GALNTL6: variants seen among roughly 807,000 people sequenced by gnomAD.
GALNTL6 encodes polypeptide N-acetylgalactosaminyltransferase-like 6.
In GALNTL6, 46 loss-of-function variants were observed where a neutral mutation model predicts 73.7. That is an observed-to-expected ratio of 0.62 (90% CI 0.49 to 0.80). The LOEUF (loss-of-function observed/expected upper bound fraction) is 0.80. Among genes scored for constraint, GALNTL6 ranks in the 30% least tolerant of loss-of-function variants. GALNTL6 has a pLI of 0.00. For missense variants in GALNTL6, 604 were observed against 755.0 expected (o/e 0.80, Z 2.34); for synonymous variants, 259 against 263.7 (o/e 0.98, Z 0.17).
In GALNTL6 at chr4:172,963,894, AACTCTGCCTACC is replaced by A. The variant is rs35732109; in HGVS notation, c.1371+11638_1371+11649del. Among the ~76,000 whole-genome samples the A allele has an allele frequency of 3.2e-3, 489 of 152,324 alleles. 1 individual carries two copies. The highest frequency in any genetic ancestry group is 0.011 in the African/African-American group (442 of 41,572). Reference sequence around the variant, plus strand: ...AAAAGCCTCTGTTCAGCAATTTCCAAACTCTGCCTACCAGCTTCCTACTTAAAAGGCAGAAGA... The same window carrying A: ...AAAAGCCTCTGTTCAGCAATTTCCAAAGCTTCCTACTTAAAAGGCAGAAGA... On this transcript the variant is annotated intron_variant, in intron 10 of 12. Coordinates refer to ENST00000506823, the MANE Select transcript of GALNTL6 (RefSeq NM_001034845.3).
At chr4:172,872,415 C>A (rs1010734057) in intron 7 of GALNTL6, among the ~76,000 whole-genome samples, 1 of 152,166 alleles carries the variant, frequency 6.6e-6, no homozygotes, top group Non-Finnish European at 1.5e-5. Context: ...ACCTTCTGTT[C>A]ATCTCAATTA....
intron 3 of GALNTL6, among the ~76,000 whole-genome samples, chr4:172,249,607 GC>G (rs965125678): frequency 3.3e-5 from 5 of 152,090 alleles, no homozygotes; most frequent in Non-Finnish European, 5.9e-5. Context: ...CAGGCTCAGG[GC>G]CCCCCTGCTC....
chr4:172,592,253 A>G (rs1156462655), intron 5 of GALNTL6, among the ~76,000 whole-genome samples: 2 of 152,194 alleles, frequency 1.3e-5, no homozygotes, highest in Non-Finnish European at 2.9e-5. Flanking sequence ...CTGAGGCTTT[A>G]TAACAACTCG....
At chr4:172,243,789 TG>T (rs1377268795) in intron 3 of GALNTL6, among the ~76,000 whole-genome samples, 8 of 152,180 alleles carry the variant, frequency 5.3e-5, no homozygotes, top group African/African-American at 1.9e-4. Flanking sequence ...ATCAGGGACC[TG>T]TTTTGCTCCT....
At chr4:172,629,234 C>A (rs1739287395) in intron 5 of GALNTL6, among the ~76,000 whole-genome samples, 1 of 152,108 alleles carries the variant, frequency 6.6e-6, no homozygotes, top group Admixed American at 6.6e-5. Context: ...TTGTTCAGTA[C>A]ACGGAAGAAA....
chr4:172,898,888 A>G (rs1422026350), intron 8 of GALNTL6, among the ~76,000 whole-genome samples: 1 of 152,084 alleles, frequency 6.6e-6, no homozygotes. Context: ...TTAAACATCA[A>G]CCCCTGACCT....
chr4:172,568,787 A>T (rs1427224110), intron 5 of GALNTL6, among the ~76,000 whole-genome samples: 1 of 149,966 alleles, frequency 6.7e-6, no homozygotes. Context: ...AAAGTAACAA[A>T]GATGAACATC....
intron 5 of GALNTL6, among the ~76,000 whole-genome samples, chr4:172,782,498 C>G (rs1285272726): frequency 6.6e-6 from 1 of 152,084 alleles, no homozygotes; most frequent in Non-Finnish European, 1.5e-5. Context: ...CAGGTATTAT[C>G]AATTCAGTAG....
chr4:172,115,430 G>T (rs2110987023), intron 2 of GALNTL6, among the ~76,000 whole-genome samples: 1 of 152,138 alleles, frequency 6.6e-6, no homozygotes, highest in East Asian at 1.9e-4. Context: ...AAAATTGATA[G>T]ATTGTAAAGA....
At chr4:172,062,990 A>T (rs540505357) in intron 2 of GALNTL6, among the ~76,000 whole-genome samples, 10 of 152,202 alleles carry the variant, frequency 6.6e-5, no homozygotes, top group Non-Finnish European at 1.3e-4. Flanking sequence ...TGCCTTGCAA[A>T]GTACTTTTCA....
intron 2 of GALNTL6, among the ~76,000 whole-genome samples, chr4:171,900,926 A>G (rs765048291): frequency 5.9e-5 from 9 of 152,192 alleles, no homozygotes; most frequent in Non-Finnish European, 1.3e-4. Context: ...TAAGGAGGCA[A>G]TGGAAAATAA....
At chr4:172,486,371 C>T (rs574268278) in intron 5 of GALNTL6, among the ~76,000 whole-genome samples, 1 of 152,238 alleles carries the variant, frequency 6.6e-6, no homozygotes, top group South Asian at 2.1e-4. Flanking sequence ...ATTAAGCTTC[C>T]TAGAGAGATG....
rs187655179 is a variant in GALNTL6, at chr4:172,281,694, G to A, written c.248-29920G>A. 1.1e-4 allele frequency among the ~76,000 whole-genome samples: 17 copies of A among 152,308 alleles called. No individual in the cohort carries two copies. In the East Asian group the frequency reaches 3.3e-3, roughly 29 times the overall value. On this transcript the variant is annotated intron_variant, in intron 3 of 12. Transcript: ENST00000506823. Reference sequence around the variant, plus strand: ...CCACTGCACTCCAGCCTGGGCGTCAGAGTGAGACCTTGTCAAAACAAACAA... The same window carrying A: ...CCACTGCACTCCAGCCTGGGCGTCAAAGTGAGACCTTGTCAAAACAAACAA...
At chr4:172,994,169 T>G (rs993653620) in intron 10 of GALNTL6, among the ~76,000 whole-genome samples, 1 of 151,978 alleles carries the variant, frequency 6.6e-6, no homozygotes, top group Non-Finnish European at 1.5e-5. Flanking sequence ...ATAACTGTTG[T>G]ATAAGATGGT....
At chr4:172,057,727 A>AATATATATATATATAT (rs147660032) in intron 2 of GALNTL6, among the ~76,000 whole-genome samples, 6 of 46,136 alleles carry the variant, frequency 1.3e-4, no homozygotes, top group African/African-American at 3.3e-4. Context: ...AAAAAAAAAA[A>AATATATATATATATAT]ATATATATAT....
intron 11 of GALNTL6, among the ~76,000 whole-genome samples, chr4:173,011,708 G>T (rs892893015): frequency 6.6e-6 from 1 of 151,964 alleles, no homozygotes; most frequent in Non-Finnish European, 1.5e-5. Flanking sequence ...TTTGTTTTTG[G>T]GTTCTCTATT....
intron 2 of GALNTL6, among the ~76,000 whole-genome samples, chr4:172,202,210 T>C (rs1735978274): frequency 6.6e-6 from 1 of 152,228 alleles, no homozygotes; most frequent in East Asian, 1.9e-4. Flanking sequence ...AGTTTCTTTG[T>C]AATTGCATGG....
intron 7 of GALNTL6, among the ~76,000 whole-genome samples, chr4:172,843,322 A>G (rs971405948): frequency 6.6e-6 from 1 of 152,322 alleles, no homozygotes; most frequent in South Asian, 2.1e-4. Flanking sequence ...CTGCAATTGC[A>G]GAATCCCAGT....
intron 8 of GALNTL6, among the ~76,000 whole-genome samples, chr4:172,902,189 G>A (rs1024905934): frequency 1.3e-5 from 2 of 152,070 alleles, no homozygotes; most frequent in Admixed American, 6.6e-5. Context: ...GTTGTCTACT[G>A]TTTAAGTTAC....
Sources: gnomAD v4.1 joint callset for allele counts (sites outside exome capture counted in the v4.1 genomes callset) on GRCh38, gnomAD v4.1.1 for gene constraint, MANE v1.5 for transcripts, NCBI Gene and HGNC (gene_info 2026-07-23, HGNC 2026-07-21) for gene names.